The following PCSK2 variants were observed in gnomAD, a reference collection of about 807,000 sequenced individuals.
PCSK2 encodes proprotein convertase subtilisin/kexin type 2.
In PCSK2, 14 loss-of-function variants were observed where a neutral mutation model predicts 69.7. The ratio of observed to expected loss-of-function variants is 0.20; its 90% CI spans 0.13 to 0.31. PCSK2 has a LOEUF of 0.31. Ranked by LOEUF, PCSK2 falls within the 10% of genes least tolerant of loss-of-function variation. PCSK2 has a pLI of 1.00. For synonymous variants in PCSK2, 307 were observed against 320.7 expected, an observed-to-expected ratio of 0.96 and a Z score of 0.46; for missense variants, 544 against 842.5, an observed-to-expected ratio of 0.65 and a Z score of 4.39.
chr20:17,350,812 G>A (rs2029959275), intron 2 of PCSK2, among the ~76,000 whole-genome samples: 1 of 152,160 alleles, frequency 6.6e-6, no homozygotes, highest in Admixed American at 6.5e-5. Flanking sequence ...GGAGGCCGAG[G>A]CGGGTGGATC....
chr20:17,250,100 T>C (rs1044783281), intron 1 of PCSK2, among the ~76,000 whole-genome samples: 13 of 152,148 alleles, frequency 8.5e-5, no homozygotes, highest in Non-Finnish European at 7.4e-5. Flanking sequence ...TAGGTAAACA[T>C]AGCAAAATTA....
At chr20:17,339,003 G>C (rs1489694699) in intron 2 of PCSK2, among the ~76,000 whole-genome samples, 2 of 152,168 alleles carry the variant, frequency 1.3e-5, no homozygotes, top group African/African-American at 4.8e-5. Flanking sequence ...GCCTCATCAA[G>C]GAATCCCGTC....
rs568292297 is a variant in PCSK2 at position 17,370,497 on chromosome 20, A to G, written c.543+1220A>G. Among the ~76,000 whole-genome samples the G allele has an allele frequency of 3.6e-3, 546 of 152,352 alleles. 5 individuals carry two copies. Among genetic ancestry groups the G allele is most frequent in the African/African-American group, 0.012 (513 of 41,584 alleles). Reference sequence around the variant, plus strand: ...ATTAAATGAATCATTGGCAGAATCCAGCCAATGTGGCCCCAGAAAGAAATG... The same window carrying G: ...ATTAAATGAATCATTGGCAGAATCCGGCCAATGTGGCCCCAGAAAGAAATG... On this transcript the variant is annotated intron_variant, in intron 5 of 11. Transcript: ENST00000262545.
chr20:17,353,704 G>A (rs115023944), intron 2 of PCSK2, among the ~76,000 whole-genome samples: 1,907 of 152,218 alleles, frequency 0.013, 13 homozygotes, highest in East Asian at 0.034. Flanking sequence ...TCTGTTCAGT[G>A]CTACACTATT....
chr20:17,390,443 C>A (rs1002702313), intron 5 of PCSK2, among the ~76,000 whole-genome samples: 19 of 152,132 alleles, frequency 1.2e-4, no homozygotes. Context: ...AACCTATAAG[C>A]AAAAGAGCCA....
chr20:17,469,107 C>T (rs989343897), intron 11 of PCSK2, among the ~76,000 whole-genome samples: 2 of 152,254 alleles, frequency 1.3e-5, no homozygotes, highest in African/African-American at 4.8e-5. Flanking sequence ...CTGCACAGTT[C>T]CTCACCATTT....
At chr20:17,389,599 T>C (rs1330111977) in intron 5 of PCSK2, among the ~76,000 whole-genome samples, 2 of 152,208 alleles carry the variant, frequency 1.3e-5, no homozygotes, top group Non-Finnish European at 2.9e-5. Context: ...AAGAGACTTG[T>C]CTTCTGGACT....
At chr20:17,368,174 G>A (rs191184728) in intron 4 of PCSK2, among the ~76,000 whole-genome samples, 205 of 152,316 alleles carry the variant, frequency 1.3e-3, no homozygotes, top group Non-Finnish European at 2.3e-3. Flanking sequence ...AGCATGCAGT[G>A]AAGATAGCAG....
At chr20:17,402,660 CA>C (rs35767841) in intron 5 of PCSK2, among the ~76,000 whole-genome samples, 84 of 113,024 alleles carry the variant, frequency 7.4e-4, no homozygotes, top group Admixed American at 1.4e-3. Flanking sequence ...GACTCTGTCT[CA>C]AAAAAAAAAA....
chr20:17,469,746 T>TG (rs1370862112), intron 11 of PCSK2, among the ~76,000 whole-genome samples: 2 of 152,022 alleles, frequency 1.3e-5, no homozygotes, highest in Non-Finnish European at 2.9e-5. Flanking sequence ...GACAGGAGGT[T>TG]GGGAAAGGTC....
intron 2 of PCSK2, among the ~76,000 whole-genome samples, chr20:17,343,089 T>G (rs1468080815): frequency 6.6e-6 from 1 of 152,228 alleles, no homozygotes; most frequent in Non-Finnish European, 1.5e-5. Flanking sequence ...AGATTCAGTA[T>G]GTGGGCCTAG....
chr20:17,307,557 A>G (rs1299071141), intron 2 of PCSK2, among the ~76,000 whole-genome samples: 1 of 152,186 alleles, frequency 6.6e-6, no homozygotes, highest in African/African-American at 2.4e-5. Flanking sequence ...GGCTTCAACT[A>G]TCCGCGTTTT....
intron 4 of PCSK2, among the ~76,000 whole-genome samples, chr20:17,364,707 G>T (rs1034261115): frequency 2.0e-5 from 3 of 152,028 alleles, no homozygotes; most frequent in African/African-American, 7.2e-5. Flanking sequence ...ACACTTAGCA[G>T]CTTGAAGTTG....
chr20:17,434,618 G>C (rs1273951402), intron 7 of PCSK2, among the ~76,000 whole-genome samples: 2 of 152,136 alleles, frequency 1.3e-5, no homozygotes, highest in African/African-American at 4.8e-5. Flanking sequence ...CTGCAAAGAG[G>C]AAGAGGGTTC....
At chr20:17,456,111 G>A (rs944264400) in intron 9 of PCSK2, among the ~76,000 whole-genome samples, 6 of 152,132 alleles carry the variant, frequency 3.9e-5, no homozygotes, top group East Asian at 1.9e-4. Context: ...ATGGTGGCAC[G>A]TGCCTGTAAT....
At chr20:17,455,330 G>A (rs555052426) in intron 9 of PCSK2, among the ~76,000 whole-genome samples, 20 of 152,172 alleles carry the variant, frequency 1.3e-4, no homozygotes, top group East Asian at 5.8e-4. Context: ...AATTCCCGTC[G>A]TTTATACATG....
rs187094058 is a variant in PCSK2, at chr20:17,377,128, A to G, written c.543+7851A>G. On this transcript the variant is annotated intron_variant, in intron 5 of 11. Transcript: ENST00000262545. ...GTGAATAATCCACAGGCAAATAACT[A>G]CAAGCTATTTCTTTTCTTTAATGTC... Among the ~76,000 whole-genome samples the G allele has an allele frequency of 5.3e-5, 8 of 152,332 alleles. No individual in the cohort carries two copies. In the East Asian group the frequency reaches 1.5e-3, roughly 29 times the overall value.
intron 9 of PCSK2, among the ~76,000 whole-genome samples, chr20:17,455,528 T>A (rs530744135): frequency 6.6e-6 from 1 of 152,314 alleles, no homozygotes; most frequent in African/African-American, 2.4e-5. Context: ...TAGAGAAACA[T>A]GTTTTAATAG....
At chr20:17,276,404 G>A (rs993646126) in intron 2 of PCSK2, among the ~76,000 whole-genome samples, 1 of 150,672 alleles carries the variant, frequency 6.6e-6, no homozygotes, top group Non-Finnish European at 1.5e-5. Flanking sequence ...TGTTGTCTAT[G>A]GGCTTTCTTC....
Sources: gnomAD v4.1 joint callset for allele counts (sites outside exome capture counted in the v4.1 genomes callset) on GRCh38, gnomAD v4.1.1 for gene constraint, MANE v1.5 for transcripts, NCBI Gene and HGNC (gene_info 2026-07-23, HGNC 2026-07-21) for gene names.